MAST2: variants seen among roughly 807,000 people sequenced by gnomAD.
MAST2 encodes the protein microtubule-associated serine/threonine-protein kinase 2.
Under a neutral mutation model 147.4 loss-of-function variants are expected in MAST2, and 70 were observed. That is an observed-to-expected ratio of 0.47 (90% CI 0.39 to 0.58). The LOEUF (loss-of-function observed/expected upper bound fraction) is 0.58, where lower values mean the gene tolerates loss of function less well. Ranked by LOEUF, MAST2 falls within the 20% of genes least tolerant of loss-of-function variation. MAST2 has a pLI of 0.00. For missense variants in MAST2, 2,080 were observed against 2,302.3 expected (o/e 0.90, Z 1.98); for synonymous variants, 869 against 896.8 (o/e 0.97, Z 0.55).
rs57959845 is a variant in MAST2, at chr1:45,998,560, C to T, written c.668+761C>T. The stretch of plus-strand genomic sequence containing the variant: ...GTCAGAACTTTTCTAAGATTCTTTG[C>T]CAGAGTTTATATTTATTTTATTTTA... On this transcript the variant is annotated intron_variant, in intron 6 of 28. Coordinates refer to ENST00000361297, the MANE Select transcript of MAST2 (RefSeq NM_015112.3). Among the ~76,000 whole-genome samples the T allele has an allele frequency of 6.0e-3, 917 of 152,158 alleles. 10 individuals carry two copies. The highest frequency in any genetic ancestry group is 0.021 in the African/African-American group (881 of 41,514).
intron 4 of MAST2, among the ~76,000 whole-genome samples, chr1:45,930,109 A>T (rs1212674571): frequency 6.6e-6 from 1 of 151,980 alleles, no homozygotes; most frequent in African/African-American, 2.4e-5. Flanking sequence ...TTGAGGGGGG[A>T]TGGAATTTCT....
At chr1:45,840,925 A>G (rs1030375953) in intron 3 of MAST2, among the ~76,000 whole-genome samples, 2 of 152,176 alleles carry the variant, frequency 1.3e-5, no homozygotes, top group African/African-American at 4.8e-5. Context: ...TCTGAACTGC[A>G]TTTGGTACTG....
intron 4 of MAST2, among the ~76,000 whole-genome samples, chr1:45,888,397 C>T (rs1450333291): frequency 6.6e-6 from 1 of 152,102 alleles, no homozygotes; most frequent in Non-Finnish European, 1.5e-5. Context: ...GAGTCTCGCT[C>T]TGTGGTCCAA....
At chr1:45,889,910 C>T (rs1040945025) in intron 4 of MAST2, among the ~76,000 whole-genome samples, 1 of 152,094 alleles carries the variant, frequency 6.6e-6, no homozygotes, top group East Asian at 1.9e-4. Flanking sequence ...CGCTCCACCA[C>T]GCTGAGCTAA....
At chr1:45,933,578 A>G (rs1655703998) in intron 4 of MAST2, among the ~76,000 whole-genome samples, 1 of 137,286 alleles carries the variant, frequency 7.3e-6, no homozygotes, top group Non-Finnish European at 1.6e-5. Flanking sequence ...CGTCTCTACT[A>G]AAAATGCAAA....
At chr1:45,861,382 G>A (rs1005754032) in intron 3 of MAST2, among the ~76,000 whole-genome samples, 24 of 151,484 alleles carry the variant, frequency 1.6e-4, no homozygotes, top group Non-Finnish European at 2.5e-4. Context: ...TTTGTTCAGC[G>A]TATTTTCTTG....
At chr1:45,860,462 C>A (rs1645942405) in intron 3 of MAST2, among the ~76,000 whole-genome samples, 1 of 151,860 alleles carries the variant, frequency 6.6e-6, no homozygotes, top group African/African-American at 2.4e-5. Flanking sequence ...CTTGGCAGTC[C>A]TTCCCTTCCT....
At position 45,914,984 on chromosome 1, in the gene MAST2, A is replaced by G. The variant is rs189391751; in HGVS notation, c.500+32589A>G. On this transcript the variant is annotated intron_variant, in intron 4 of 28. Coordinates refer to ENST00000361297, the MANE Select transcript of MAST2 (RefSeq NM_015112.3). ...TTGAGAGTGTCTTACTTTATGGCCCAGGCGGGAGGGCAGTGGTGCTATCAC... is the reference window on the plus strand; with the variant it reads ...TTGAGAGTGTCTTACTTTATGGCCCGGGCGGGAGGGCAGTGGTGCTATCAC... 1.1e-4 allele frequency among the ~76,000 whole-genome samples: 16 copies of G among 152,324 alleles called. 1 individual carries two copies. Among genetic ancestry groups the G allele is most frequent in the Admixed American group, 9.8e-4 (15 of 15,300 alleles).
intron 8 of MAST2, chr1:46,006,736 C>G (rs945536971): frequency 6.1e-5 from 11 of 181,508 alleles, no homozygotes; most frequent in Non-Finnish European, 1.1e-5. Context: ...CAGCTCAACC[C>G]ATCACCCCAG....
At chr1:45,961,727 G>A (rs772356448) in intron 5 of MAST2, among the ~76,000 whole-genome samples, 4 of 152,014 alleles carry the variant, frequency 2.6e-5, no homozygotes, top group Non-Finnish European at 5.9e-5. Context: ...ATTGTTCCAC[G>A]CAGATCCCAC....
chr1:45,905,624 A>G (rs1011119758), intron 4 of MAST2, among the ~76,000 whole-genome samples: 10 of 152,134 alleles, frequency 6.6e-5, no homozygotes, highest in Non-Finnish European at 1.5e-4. Flanking sequence ...AAAACACAAA[A>G]AATTAGCTGG....
chr1:45,822,496 A>T (rs191312147), intron 1 of MAST2, among the ~76,000 whole-genome samples: 1 of 152,144 alleles, frequency 6.6e-6, no homozygotes, highest in African/African-American at 2.4e-5. Flanking sequence ...TGAAAAGTGT[A>T]TGTGTTTCTC....
chr1:45,973,356 C>T (rs1318834666), intron 5 of MAST2, among the ~76,000 whole-genome samples: 1 of 152,184 alleles, frequency 6.6e-6, no homozygotes, highest in Non-Finnish European at 1.5e-5. Flanking sequence ...TCTTCCTGCT[C>T]TCTGAGCACC....
chr1:45,939,989 T>TTTG (rs1553239188), intron 4 of MAST2, among the ~76,000 whole-genome samples: 1 of 128,882 alleles, frequency 7.8e-6, no homozygotes, highest in Non-Finnish European at 1.6e-5. Flanking sequence ...GGTTTTTTTT[T>TTTG]TTTTTTTTTT....
At chr1:45,811,166 CT>C (rs375439362) in intron 1 of MAST2, among the ~76,000 whole-genome samples, 29,460 of 127,614 alleles carry the variant, frequency 0.23, 3,098 homozygotes, top group African/African-American at 0.36. Flanking sequence ...CAGTATATTT[CT>C]TTTTTTTTTT....
chr1:45,934,281 G>C (rs1482881841), intron 4 of MAST2, among the ~76,000 whole-genome samples: 1 of 152,156 alleles, frequency 6.6e-6, no homozygotes, highest in Non-Finnish European at 1.5e-5. Context: ...TCAGGAGATC[G>C]AGACCACCCT....
Position 45,848,087 on chromosome 1 carries a change from C to A in MAST2, c.468+18506C>A, listed in dbSNP as rs181539101. ...GTCATTCTTCATTTTTGCAATATGTCTTATCTATAGAATGTATAGGGAACA... is the reference window on the plus strand; with the variant it reads ...GTCATTCTTCATTTTTGCAATATGTATTATCTATAGAATGTATAGGGAACA... On this transcript the variant is annotated intron_variant, in intron 3 of 28. Coordinates refer to ENST00000361297, the MANE Select transcript of MAST2 (RefSeq NM_015112.3). Among the ~76,000 whole-genome samples, 67 of 152,260 alleles carry A rather than the reference C, an allele frequency of 4.4e-4. No individual in the cohort carries two copies. The East Asian group carries it at 0.013, about 28-fold the overall frequency.
At chr1:45,898,093 A>G (rs370177876) in intron 4 of MAST2, among the ~76,000 whole-genome samples, 2 of 152,090 alleles carry the variant, frequency 1.3e-5, no homozygotes, top group East Asian at 3.9e-4. Context: ...TGGGCGACAG[A>G]GTGAGACTCT....
intron 5 of MAST2, among the ~76,000 whole-genome samples, chr1:45,976,114 G>C (rs999415464): frequency 6.6e-6 from 1 of 151,922 alleles, no homozygotes; most frequent in East Asian, 1.9e-4. Context: ...AGCTGGGACT[G>C]CAGGTGTGCA....
Sources: allele counts gnomAD v4.1 joint callset (sites outside exome capture counted in the v4.1 genomes callset), GRCh38; gene constraint gnomAD v4.1.1; transcripts MANE v1.5; gene names NCBI Gene and HGNC (gene_info 2026-07-23, HGNC 2026-07-21).